SNX7: variants seen among roughly 807,000 people sequenced by gnomAD.
SNX7 encodes sorting nexin-7.
Under a neutral mutation model 48.4 loss-of-function variants are expected in SNX7, and 35 were observed. The observed-to-expected ratio is 0.72, with a 90% CI of 0.55 to 0.96. SNX7 has a LOEUF of 0.96. Among genes scored for constraint, SNX7 ranks in the 40% least tolerant of loss-of-function variants. SNX7 has a pLI of 0.00. For synonymous variants in SNX7, 190 were observed against 190.2 expected (o/e 1.00, Z 0.01); for missense variants, 553 against 548.9 (o/e 1.01, Z -0.07).
chr1:98,705,390 ACTT>A, intron 7 of SNX7, among the ~76,000 whole-genome samples: 1 of 152,304 alleles, frequency 6.6e-6, no homozygotes. Flanking sequence ...AAGTTTTCTA[ACTT>A]CTTTCAGCCT....
chr1:98,737,332 T>C (rs1653833935), intron 7 of SNX7, among the ~76,000 whole-genome samples: 1 of 152,182 alleles, frequency 6.6e-6, no homozygotes, highest in Non-Finnish European at 1.5e-5. Context: ...GCTTCATTTT[T>C]CTCTTTAGCA....
chr1:98,751,278 A>G (rs1654566246), intron 8 of SNX7, among the ~76,000 whole-genome samples: 1 of 152,040 alleles, frequency 6.6e-6, no homozygotes, highest in South Asian at 2.1e-4. Flanking sequence ...AGCCGAAGAG[A>G]CATTTACCTC....
chr1:98,740,509 A>AAT (rs1654019311), intron 8 of SNX7, among the ~76,000 whole-genome samples: 1 of 152,184 alleles, frequency 6.6e-6, no homozygotes, highest in Admixed American at 6.5e-5. Flanking sequence ...AAATGCACTT[A>AAT]ATATTATTTT....
intron 7 of SNX7, among the ~76,000 whole-genome samples, chr1:98,710,289 A>T (rs941498745): frequency 6.6e-6 from 1 of 152,188 alleles, no homozygotes; most frequent in East Asian, 1.9e-4. Context: ...TACAGTCTTG[A>T]TGAATAAGGC....
intron 7 of SNX7, among the ~76,000 whole-genome samples, chr1:98,735,601 G>A (rs1223513766): frequency 6.6e-6 from 1 of 152,098 alleles, no homozygotes; most frequent in African/African-American, 2.4e-5. Context: ...GAAGAAGACA[G>A]TGAATTAATG....
At chr1:98,741,779 T>C (rs1022710559) in intron 8 of SNX7, among the ~76,000 whole-genome samples, 2 of 152,138 alleles carry the variant, frequency 1.3e-5, no homozygotes, top group African/African-American at 4.8e-5. Context: ...TGCAAAAGAA[T>C]ATCTGCTTTG....
intron 7 of SNX7, among the ~76,000 whole-genome samples, chr1:98,728,992 A>T (rs760129042): frequency 6.6e-6 from 1 of 152,208 alleles, no homozygotes; most frequent in Non-Finnish European, 1.5e-5. Flanking sequence ...CAGAATATGC[A>T]TTCTTCCCAG....
intron 1 of SNX7, chr1:98,662,955 C>T (rs1282114785): frequency 2.7e-6 from 2 of 733,816 alleles, no homozygotes; most frequent in Non-Finnish European, 3.8e-6. Context: ...AATGATAGGC[C>T]CAGGTTTGTA....
intron 8 of SNX7, among the ~76,000 whole-genome samples, chr1:98,740,157 AC>A (rs1336255026): frequency 3.9e-5 from 6 of 152,172 alleles, no homozygotes; most frequent in Non-Finnish European, 8.8e-5. Context: ...TCTGGTAACA[AC>A]CCTAAGTAAA....
intron 7 of SNX7, among the ~76,000 whole-genome samples, chr1:98,734,937 A>G (rs1653699097): frequency 1.3e-5 from 2 of 152,286 alleles, no homozygotes; most frequent in Admixed American, 6.5e-5. Context: ...GAAGAATAAT[A>G]CCAAGCCTTA....
At chr1:98,667,919 A>C (rs1480926530) in intron 1 of SNX7, among the ~76,000 whole-genome samples, 4 of 151,658 alleles carry the variant, frequency 2.6e-5, no homozygotes, top group Non-Finnish European at 4.4e-5. Flanking sequence ...GAAAAAAAAA[A>C]CAAAAAAAAC....
intron 2 of SNX7, among the ~76,000 whole-genome samples, chr1:98,689,634 A>G (rs1186694267): frequency 6.6e-6 from 1 of 152,088 alleles, no homozygotes; most frequent in Non-Finnish European, 1.5e-5. Context: ...ATTGTTCGTT[A>G]TGGCAATTTA....
chr1:98,701,966 A>C (rs1041041821), intron 7 of SNX7, 63 bp downstream of exon 7: 1 of 1,074,026 alleles, frequency 9.3e-7, no homozygotes, highest in Non-Finnish European at 1.4e-6. Context: ...TTTATTAGCA[A>C]TGTCCTTACA....
At chr1:98,740,761 C>T (rs1017648508) in intron 8 of SNX7, among the ~76,000 whole-genome samples, 4 of 152,208 alleles carry the variant, frequency 2.6e-5, no homozygotes, top group Middle Eastern at 6.8e-3. Context: ...CAGTTTCTAT[C>T]AGTGTGTGAT....
At chr1:98,710,390 C>T (rs1652237597) in intron 7 of SNX7, among the ~76,000 whole-genome samples, 1 of 151,824 alleles carries the variant, frequency 6.6e-6, no homozygotes, top group South Asian at 2.1e-4. Context: ...AACAATGTTG[C>T]AGATAATTTC....
chr1:98,666,744 G>A (rs572164718), intron 1 of SNX7, among the ~76,000 whole-genome samples: 38 of 152,204 alleles, frequency 2.5e-4, no homozygotes, highest in Non-Finnish European at 4.6e-4. Flanking sequence ...TATAGGATAT[G>A]GTGGAAGTGA....
At chr1:98,682,854 T>A (rs1280340682) in intron 1 of SNX7, among the ~76,000 whole-genome samples, 1 of 152,204 alleles carries the variant, frequency 6.6e-6, no homozygotes, top group East Asian at 1.9e-4. Flanking sequence ...TTTTCTGGAA[T>A]TCCTTTTATT....
chr1:98,734,776 T>TA (rs146573759), intron 7 of SNX7, among the ~76,000 whole-genome samples: 2 of 152,282 alleles, frequency 1.3e-5, no homozygotes, highest in Admixed American at 6.5e-5. Flanking sequence ...CCATTAGTCT[T>TA]ACGATTAAAT....
At position 98,662,083 on chromosome 1, in the gene SNX7, C is replaced by T. The variant is rs539263634; in HGVS notation, c.180+172C>T. On this transcript the variant is annotated intron_variant, in intron 1 of 8. Coordinates refer to ENST00000306121, the MANE Select transcript of SNX7 (RefSeq NM_015976.5). Reference sequence around the variant, plus strand: ...ACCCCGCCTGCCAGCTCTGGCCGCACCCGGGGCCGCGTCGCCTCGGGGCCT... The same window carrying T: ...ACCCCGCCTGCCAGCTCTGGCCGCATCCGGGGCCGCGTCGCCTCGGGGCCT... The T allele has an allele frequency of 4.8e-6, 3 of 620,186 alleles. No individual in the cohort carries two copies. In the South Asian group the frequency reaches 2.6e-4, roughly 54 times the overall value. The allele number at this position is 620,186 out of a possible 1,614,324, so 38.4% of individuals were successfully genotyped here.
Sources: gnomAD v4.1 joint callset for allele counts (sites outside exome capture counted in the v4.1 genomes callset) on GRCh38, gnomAD v4.1.1 for gene constraint, MANE v1.5 for transcripts, NCBI Gene and HGNC (gene_info 2026-07-23, HGNC 2026-07-21) for gene names.